The following GNE variants were observed in gnomAD, a reference collection of about 807,000 sequenced individuals.
The protein encoded by GNE is bifunctional UDP-N-acetylglucosamine 2-epimerase/N-acetylmannosamine kinase.
GNE carries 41 observed loss-of-function variants against 61.8 expected under a neutral mutation model. That is an observed-to-expected ratio of 0.66 (90% CI 0.52 to 0.86). GNE has a LOEUF of 0.86. Among genes scored for constraint, GNE ranks in the 40% least tolerant of loss-of-function variants. The pLI is 0.00. For synonymous variants in GNE, 264 were observed against 326.4 expected (o/e 0.81, Z 2.06); for missense variants, 608 against 909.1 (o/e 0.67, Z 4.26).
At chr9:36,260,896 A>C (rs1830596509), upstream of GNE, among the ~76,000 whole-genome samples, 1 of 107,206 alleles carries the variant, frequency 9.3e-6, no homozygotes, top group African/African-American at 3.4e-5. Context: ...AAAAAAAAAA[A>C]AAAACCCACA....
At chr9:36,225,680 G>A (rs1828828794) in intron 7 of GNE, among the ~76,000 whole-genome samples, 1 of 152,186 alleles carries the variant, frequency 6.6e-6, no homozygotes, top group African/African-American at 2.4e-5. Context: ...GCATGTGCCT[G>A]TGGTCCTAGC....
rs183241490 is a variant in GNE, at chr9:36,237,806, C to T, written c.617-822G>A. Reference sequence around the variant, plus strand: ...ACCATATTTGTAGTCTTCTATCCCTCGCCCCCTCCTACTCTTCCCCCCAAG... The same window carrying T: ...ACCATATTTGTAGTCTTCTATCCCTTGCCCCCTCCTACTCTTCCCCCCAAG... On this transcript the variant is annotated intron_variant, in intron 3 of 11. Coordinates refer to ENST00000642385, the MANE Select transcript of GNE (RefSeq NM_005476.7). Among the ~76,000 whole-genome samples, 1,362 of 151,968 alleles carry T rather than the reference C, an allele frequency of 9.0e-3. 16 individuals carry two copies. Among genetic ancestry groups the T allele is most frequent in the South Asian group, 0.017 (82 of 4,810 alleles).
At chr9:36,258,640 G>T, upstream of GNE, 2 of 457,918 alleles carry the variant, frequency 4.4e-6, no homozygotes, top group Non-Finnish European at 5.8e-6. Context: ...ATCTTCCATG[G>T]CCTCTGCCGC....
upstream of GNE, among the ~76,000 whole-genome samples, chr9:36,261,931 A>G (rs992865481): frequency 2.0e-5 from 3 of 151,984 alleles, no homozygotes; most frequent in Non-Finnish European, 4.4e-5. Flanking sequence ...TCAAAAAAAA[A>G]AAAAAAAGAA....
chr9:36,271,150 C>T (rs1001737361), intron 1 of GNE, among the ~76,000 whole-genome samples: 1 of 152,156 alleles, frequency 6.6e-6, no homozygotes, highest in African/African-American at 2.4e-5. Flanking sequence ...TTTTGCTGAT[C>T]TTACCAACAT....
At chr9:36,258,593 T>C (rs1021696163), upstream of GNE, 11 of 842,144 alleles carry the variant, frequency 1.3e-5, no homozygotes, top group African/African-American at 1.8e-5. Context: ...TTCCCGGCGG[T>C]ATTTTGAGGC....
chr9:36,263,821 T>C (rs2133181137), intron 1 of GNE, among the ~76,000 whole-genome samples: 1 of 152,328 alleles, frequency 6.6e-6, no homozygotes, highest in East Asian at 1.9e-4. Flanking sequence ...CCTCAAGAGC[T>C]GCCTATTCAT....
At chr9:36,235,932 C>T (rs921262682) in intron 4 of GNE, among the ~76,000 whole-genome samples, 10 of 152,154 alleles carry the variant, frequency 6.6e-5, no homozygotes, top group African/African-American at 2.4e-4. Flanking sequence ...TCTGACATTT[C>T]TCATTAATAT....
At chr9:36,270,723 T>A (rs1279278587) in intron 1 of GNE, among the ~76,000 whole-genome samples, 1 of 151,716 alleles carries the variant, frequency 6.6e-6, no homozygotes, top group African/African-American at 2.4e-5. Flanking sequence ...TTCACCATGT[T>A]AGCCAGGATG....
At chr9:36,220,615 C>CA (rs1038971847) in intron 9 of GNE, among the ~76,000 whole-genome samples, 10 of 152,124 alleles carry the variant, frequency 6.6e-5, no homozygotes, top group Non-Finnish European at 1.0e-4. Flanking sequence ...TGGTCACCTC[C>CA]AAAAAACCAT....
chr9:36,236,495 C>T (rs950166467), intron 4 of GNE, among the ~76,000 whole-genome samples: 1 of 152,288 alleles, frequency 6.6e-6, no homozygotes, highest in East Asian at 1.9e-4. Context: ...CCACCGTGCC[C>T]GACCATCTTT....
Position 36,214,509 on chromosome 9 carries a change from TTAAAA to T in GNE, c.*2851_*2855del, listed in dbSNP as rs1014065535. 2.0e-5 allele frequency: 3 copies of T among 152,212 alleles called. No homozygotes were observed. The highest frequency in any genetic ancestry group is 4.8e-5 in the African/African-American group (2 of 41,462). The allele number at this position is 152,212 out of a possible 1,614,324, so 9.4% of individuals were successfully genotyped here. On this transcript the variant is annotated 3_prime_UTR_variant, in exon 12 of 12. Coordinates refer to ENST00000642385, the MANE Select transcript of GNE (RefSeq NM_005476.7). The stretch of plus-strand genomic sequence containing the variant: ...CAGAACAGTAACAAAAATATTTACA[TTAAAA>T]TAAATTAACATGCAATTACTTAACC...
intron 9 of GNE, among the ~76,000 whole-genome samples, chr9:36,220,641 C>T (rs997392999): frequency 1.3e-5 from 2 of 152,186 alleles, no homozygotes; most frequent in African/African-American, 4.8e-5. Context: ...TACCTAAATC[C>T]TTGTCTCAGG....
rs1010073733 is a variant in GNE, at chr9:36,254,900, C to T, written c.-43+3421G>A. Among the ~76,000 whole-genome samples the T allele has an allele frequency of 2.0e-5, 3 of 150,878 alleles. No individual in the cohort carries two copies. In the East Asian group the frequency reaches 6.0e-4, roughly 30 times the overall value. ...CCGGGAGGCGGAGGTTGCAGTGAGC[C>T]GAGATCCTGCCACTGCACTCCAGCC... On this transcript the variant is annotated intron_variant, in intron 1 of 11. Coordinates refer to ENST00000642385, the MANE Select transcript of GNE (RefSeq NM_005476.7).
Position 36,236,875 on chromosome 9 carries a change from TG to T in GNE, c.725del (p.Ser242TyrfsTer7). ...MFELTLDALI[S>X]FNKRTLVLFP... is the part of the protein sequence containing the mutation. ...ACAGGACTAGGGTCCGCTTGTTAAA[TG>T]AGATAAGTGCATCCAATGTTAATTC... On this transcript the variant is annotated frameshift_variant, in exon 4 of 12. Coordinates refer to ENST00000642385, the MANE Select transcript of GNE (RefSeq NM_005476.7). LOFTEE classifies it high-confidence loss of function. 6.2e-7 allele frequency: 1 copy of T among 1,611,710 alleles called. No individual in the cohort carries two copies. The highest frequency in any genetic ancestry group is 8.5e-7 in the Non-Finnish European group (1 of 1,177,764).
At chr9:36,223,350 G>A (rs575589325) in intron 8 of GNE, 23 bp downstream of exon 8, 1 of 1,601,086 alleles carries the variant, frequency 6.2e-7, no homozygotes, top group South Asian at 1.1e-5. Flanking sequence ...AGCATTTCTT[G>A]GATTTATAAT....
chr9:36,233,365 C>T (rs905314494), intron 5 of GNE, among the ~76,000 whole-genome samples: 2 of 152,246 alleles, frequency 1.3e-5, no homozygotes, highest in Middle Eastern at 3.4e-3. Context: ...CCATGAAAGA[C>T]CATAATTAAA....
chr9:36,244,805 T>G (rs1334069916), intron 3 of GNE, among the ~76,000 whole-genome samples: 3 of 150,600 alleles, frequency 2.0e-5, no homozygotes, highest in African/African-American at 7.3e-5. Context: ...CCAGGTGTGG[T>G]GGTGTGCGCC....
chr9:36,235,407 T>G (rs1829348377), intron 4 of GNE, among the ~76,000 whole-genome samples: 1 of 152,158 alleles, frequency 6.6e-6, no homozygotes. Flanking sequence ...TATTGTTCCC[T>G]GTGTATAGCT....
Sources: gnomAD v4.1 joint callset for allele counts (sites outside exome capture counted in the v4.1 genomes callset) on GRCh38, gnomAD v4.1.1 for gene constraint, MANE v1.5 for transcripts, NCBI Gene and HGNC (gene_info 2026-07-23, HGNC 2026-07-21) for gene names.